Variants in ARSF observed in about 807,000 individuals in gnomAD.
ARSF encodes arylsulfatase F.
ARSF carries 33 observed loss-of-function variants against 35.4 expected under a neutral mutation model. That is an observed-to-expected ratio of 0.93 (90% CI 0.71 to 1.25). ARSF has a LOEUF of 1.25. Among genes scored for constraint, ARSF ranks in the 50% most tolerant of loss-of-function variants. The probability of loss-of-function intolerance (pLI) is 0.00; values close to 1 mark genes in which losing one functional copy is unlikely to be tolerated. For synonymous variants in ARSF, 222 were observed against 193.1 expected, an observed-to-expected ratio of 1.15 and a Z score of -1.24; for missense variants, 501 against 480.2, an observed-to-expected ratio of 1.04 and a Z score of -0.40.
At chrX:3,057,216 A>G (rs1162523112) in intron 1 of ARSF, among the ~76,000 whole-genome samples, 1 of 111,875 alleles carries the variant, frequency 8.9e-6, no homozygotes, top group African/African-American at 3.3e-5. Flanking sequence ...GAAGCAAAAA[A>G]AAGTTTGTTT....
At chrX:3,042,852 A>G (rs1252558004) in intron 1 of ARSF, among the ~76,000 whole-genome samples, 1 of 111,159 alleles carries the variant, frequency 9.0e-6, no homozygotes, top group Non-Finnish European at 1.9e-5. Context: ...GGAACCAAGA[A>G]ACAAGAGATG....
chrX:3,080,412 T>C (rs1240167748), intron 4 of ARSF, among the ~76,000 whole-genome samples: 2 of 107,985 alleles, frequency 1.9e-5, no homozygotes, highest in African/African-American at 3.4e-5. Flanking sequence ...AGGTGGAGGT[T>C]GCAGTGAGCT....
chrX:3,107,732 C>A (rs5983009), intron 9 of ARSF, among the ~76,000 whole-genome samples: 13,292 of 110,269 alleles, frequency 0.12, 777 homozygotes, highest in African/African-American at 0.23. Flanking sequence ...TAATTTTTTT[C>A]TTTTTTTCTT....
At chrX:3,041,727 G>A (rs151183964) in intron 1 of ARSF, 64 bp downstream of exon 1, 94 of 112,356 alleles carry the variant, frequency 8.4e-4, no homozygotes, top group African/African-American at 3.0e-3. Flanking sequence ...CTTTGTGTGA[G>A]TGTGCATGCG....
chrX:3,087,255 G>A (rs1326334019), intron 6 of ARSF, among the ~76,000 whole-genome samples: 1 of 111,913 alleles, frequency 8.9e-6, no homozygotes, highest in African/African-American at 3.2e-5. Context: ...CTTTGACCAC[G>A]ACTCTTTATT....
chrX:3,057,375 T>C (rs1476853132), intron 1 of ARSF, among the ~76,000 whole-genome samples: 1 of 111,736 alleles, frequency 8.9e-6, no homozygotes, highest in African/African-American at 3.3e-5. Flanking sequence ...CTTCAGCTCC[T>C]GGAAGAGTAG....
chrX:3,072,065 G>A lies in ARSF; in HGVS notation c.51G>A (p.Leu17=). Reference sequence around the variant, plus strand: ...TCATGTCTTTGGTGTGTGCACTCTTGAACACATGCCAGGCACACAGGGTGC... The same window carrying A: ...TCATGTCTTTGGTGTGTGCACTCTTAAACACATGCCAGGCACACAGGGTGC... ...LVFMSLVCAL[L]NTCQAHRVHD... is the part of the protein sequence containing the mutation. The change falls in exon 3 of 11, where the codon TTG becomes TTA. Residue 17 remains leucine, a synonymous_variant. Transcript: ENST00000381127. The A allele has an allele frequency of 6.6e-6, 8 of 1,203,095 alleles. No homozygotes were observed. The highest frequency in any genetic ancestry group is 9.0e-6 in the Non-Finnish European group (8 of 893,826).
chrX:3,100,181 T>C (rs2090366057), intron 7 of ARSF, among the ~76,000 whole-genome samples: 1 of 112,327 alleles, frequency 8.9e-6, no homozygotes, highest in Admixed American at 9.5e-5. Flanking sequence ...ATTTAAAATA[T>C]CAAATAAGAA....
chrX:3,091,287 G>A (rs1342896723), intron 7 of ARSF, among the ~76,000 whole-genome samples: 2 of 112,091 alleles, frequency 1.8e-5, no homozygotes, highest in Non-Finnish European at 3.8e-5. Flanking sequence ...TTTATTTCAG[G>A]TCTGTTGAGC....
chrX:3,069,081 C>T (rs1252838172), intron 2 of ARSF, among the ~76,000 whole-genome samples: 1 of 111,299 alleles, frequency 9.0e-6, no homozygotes, highest in Non-Finnish European at 1.9e-5. Context: ...TATTCATTAC[C>T]TGATAACTGA....
intron 9 of ARSF, among the ~76,000 whole-genome samples, chrX:3,104,909 G>C (rs2090402762): frequency 8.9e-6 from 1 of 112,065 alleles, no homozygotes; most frequent in Admixed American, 9.5e-5. Context: ...AGACTGAGAA[G>C]AAGGTAAGAT....
chrX:3,080,528 A>G (rs187013926), intron 4 of ARSF, among the ~76,000 whole-genome samples: 3 of 110,842 alleles, frequency 2.7e-5, no homozygotes, highest in African/African-American at 6.5e-5. Flanking sequence ...CAAAAATACC[A>G]TAGACTGGGA....
intron 1 of ARSF, among the ~76,000 whole-genome samples, chrX:3,044,616 C>T (rs953380607): frequency 9.1e-6 from 1 of 110,273 alleles, no homozygotes; most frequent in African/African-American, 3.3e-5. Flanking sequence ...TGAAGCCTAG[C>T]CTTCTCTGGC....
chrX:3,091,962 G>C (rs1190107142), intron 7 of ARSF, among the ~76,000 whole-genome samples: 1 of 111,052 alleles, frequency 9.0e-6, no homozygotes, highest in African/African-American at 3.3e-5. Context: ...CAGAGAGACA[G>C]ATGATAGATT....
chrX:3,103,055 T>A (rs964766127), intron 8 of ARSF, among the ~76,000 whole-genome samples: 1 of 109,607 alleles, frequency 9.1e-6, no homozygotes, highest in Non-Finnish European at 1.9e-5. Flanking sequence ...ATGCCTGTCA[T>A]CTTGGTATAA....
At chrX:3,046,401 G>A (rs768286106) in intron 1 of ARSF, among the ~76,000 whole-genome samples, 1 of 111,184 alleles carries the variant, frequency 9.0e-6, no homozygotes, top group East Asian at 2.8e-4. Flanking sequence ...TTTTAAAAAG[G>A]GAAATTCTGC....
intron 2 of ARSF, among the ~76,000 whole-genome samples, chrX:3,071,524 G>A (rs781702910): frequency 2.7e-5 from 3 of 110,232 alleles, no homozygotes; most frequent in South Asian, 3.9e-4. Context: ...GGCTGGTCTC[G>A]AGCTCCTGAC....
At chrX:3,070,707 G>A (rs749317369) in intron 2 of ARSF, among the ~76,000 whole-genome samples, 142 of 111,235 alleles carry the variant, frequency 1.3e-3, no homozygotes, top group Admixed American at 1.9e-3. Context: ...CACAATGTGC[G>A]GTCTTTGATC....
intron 1 of ARSF, among the ~76,000 whole-genome samples, chrX:3,046,056 T>C (rs1224646688): frequency 1.8e-5 from 2 of 110,632 alleles, no homozygotes; most frequent in African/African-American, 3.3e-5. Flanking sequence ...CTAATTTTTG[T>C]ATTTTTTTAA....
Sources: allele counts gnomAD v4.1 joint callset (sites outside exome capture counted in the v4.1 genomes callset), GRCh38; gene constraint gnomAD v4.1.1; transcripts MANE v1.5; gene names NCBI Gene and HGNC (gene_info 2026-07-23, HGNC 2026-07-21).